CNTN4: variants seen among roughly 807,000 people sequenced by gnomAD.
CNTN4 encodes the protein contactin-4.
In CNTN4, 77 loss-of-function variants were observed where a neutral mutation model predicts 122.5. The ratio of observed to expected loss-of-function variants is 0.63; its 90% CI spans 0.52 to 0.76. CNTN4 has a LOEUF of 0.76. Among genes scored for constraint, CNTN4 ranks in the 30% least tolerant of loss-of-function variants. The pLI is 0.00. For synonymous variants in CNTN4, 512 were observed against 447.0 expected, an observed-to-expected ratio of 1.15 and a Z score of -1.83; for missense variants, 1,256 against 1,259.1, an observed-to-expected ratio of 1.00 and a Z score of 0.04.
At chr3:2,835,119 A>G (rs1559558028) in intron 7 of CNTN4, among the ~76,000 whole-genome samples, 1 of 151,256 alleles carries the variant, frequency 6.6e-6, no homozygotes, top group South Asian at 2.1e-4. Flanking sequence ...GTTAGCCAGG[A>G]TGGTCTCGAT....
At chr3:2,195,525 A>G (rs551413741) in intron 2 of CNTN4, among the ~76,000 whole-genome samples, 24 of 152,384 alleles carry the variant, frequency 1.6e-4, no homozygotes, top group African/African-American at 5.5e-4. Context: ...ATATTTGGAA[A>G]TAACTGCTAT....
intron 4 of CNTN4, among the ~76,000 whole-genome samples, chr3:2,637,903 A>G (rs769485881): frequency 6.6e-6 from 1 of 152,154 alleles, no homozygotes; most frequent in Non-Finnish European, 1.5e-5. Flanking sequence ...CATGGTTTGC[A>G]GTTTTAAAAA....
chr3:2,490,726 A>G (rs2076291777), intron 3 of CNTN4, among the ~76,000 whole-genome samples: 1 of 152,112 alleles, frequency 6.6e-6, no homozygotes, highest in African/African-American at 2.4e-5. Context: ...TATAGGAAAA[A>G]TCTCACCCTG....
intron 13 of CNTN4, among the ~76,000 whole-genome samples, chr3:2,932,800 CTTTATTTATTTA>C (rs71058655): frequency 0.029 from 4,355 of 148,928 alleles, 91 homozygotes; most frequent in African/African-American, 0.056. Context: ...TGCTTACAGT[CTTTATTTATTTA>C]TTTATTTATT....
intron 2 of CNTN4, among the ~76,000 whole-genome samples, chr3:2,166,142 G>T (rs2036183666): frequency 6.6e-6 from 1 of 151,928 alleles, no homozygotes; most frequent in South Asian, 2.1e-4. Flanking sequence ...TTGCATAATG[G>T]TATATTCATT....
intron 2 of CNTN4, among the ~76,000 whole-genome samples, chr3:2,162,030 A>C (rs986655874): frequency 1.3e-5 from 2 of 152,300 alleles, no homozygotes; most frequent in African/African-American, 4.8e-5. Flanking sequence ...TGTCTGTTAA[A>C]ATTGTATCTT....
chr3:3,003,693 A>C (rs1490842738), intron 14 of CNTN4, among the ~76,000 whole-genome samples: 3 of 144,566 alleles, frequency 2.1e-5, no homozygotes, highest in African/African-American at 5.4e-5. Flanking sequence ...CCAAAAAAAA[A>C]AAAAAAAAAA....
At chr3:2,997,778 TG>T (rs1695662075) in intron 14 of CNTN4, among the ~76,000 whole-genome samples, 1 of 152,226 alleles carries the variant, frequency 6.6e-6, no homozygotes, top group South Asian at 2.1e-4. Flanking sequence ...TTCCTGGTTA[TG>T]GGAGAGGAAA....
At chr3:2,926,324 T>TC (rs2094473109) in intron 13 of CNTN4, among the ~76,000 whole-genome samples, 1 of 152,230 alleles carries the variant, frequency 6.6e-6, no homozygotes, top group Non-Finnish European at 1.5e-5. Context: ...AGGTTTTTTT[T>TC]CTAATATCTA....
intron 4 of CNTN4, among the ~76,000 whole-genome samples, chr3:2,685,937 A>G (rs2085409318): frequency 6.6e-6 from 1 of 152,196 alleles, no homozygotes; most frequent in Admixed American, 6.6e-5. Context: ...ACCACAGACT[A>G]AACTGATTTT....
rs2077125102 is a variant in CNTN4, at chr3:2,519,143, C to A, written c.-88-52273C>A. On this transcript the variant is annotated intron_variant, in intron 3 of 24. Coordinates refer to ENST00000418658, the MANE Select transcript of CNTN4 (RefSeq NM_175607.3). ...ATAGGAGTTTTATCTCCTGATGTGA[C>A]AATGAAAAGGGAAGATCGGCTTGCC... Among the ~76,000 whole-genome samples, 2 of 152,126 alleles carry A rather than the reference C, an allele frequency of 1.3e-5. 1 individual carries two copies. Among genetic ancestry groups the A allele is most frequent in the Non-Finnish European group, 2.9e-5 (2 of 68,022 alleles).
chr3:2,832,040 A>G (rs1559554430), intron 7 of CNTN4, among the ~76,000 whole-genome samples: 1 of 152,208 alleles, frequency 6.6e-6, no homozygotes, highest in Non-Finnish European at 1.5e-5. Context: ...ATTAGTACCC[A>G]AATATGAGAA....
chr3:2,376,594 T>A (rs2045824842), intron 3 of CNTN4, among the ~76,000 whole-genome samples: 1 of 152,014 alleles, frequency 6.6e-6, no homozygotes, highest in Non-Finnish European at 1.5e-5. Flanking sequence ...GTTGTCACTG[T>A]TTTTAGGTCT....
chr3:2,550,342 T>A (rs1575954004), intron 3 of CNTN4, among the ~76,000 whole-genome samples: 1 of 152,086 alleles, frequency 6.6e-6, no homozygotes, highest in Non-Finnish European at 1.5e-5. Context: ...AACAAACATA[T>A]GAAAAAAATC....
At position 2,982,985 on chromosome 3, in the gene CNTN4, C is replaced by T. The variant is rs989140752; in HGVS notation, c.1359-5360C>T. ...AATCCCAGCACTTTGGGAGGCGAGG[C>T]GGGCGGATCACGAGGTCAGGAGATC... On this transcript the variant is annotated intron_variant, in intron 13 of 24. Transcript: ENST00000418658. Among the ~76,000 whole-genome samples the T allele has an allele frequency of 1.2e-4, 18 of 151,700 alleles. 1 individual carries two copies. Among genetic ancestry groups the T allele is most frequent in the African/African-American group, 2.9e-4 (12 of 41,338 alleles).
intron 4 of CNTN4, among the ~76,000 whole-genome samples, chr3:2,677,834 T>A (rs1463064167): frequency 6.6e-6 from 1 of 152,100 alleles, no homozygotes; most frequent in Non-Finnish European, 1.5e-5. Context: ...CATCTTATCA[T>A]GCACAAGTCA....
intron 3 of CNTN4, among the ~76,000 whole-genome samples, chr3:2,339,820 T>C (rs984369818): frequency 1.3e-4 from 20 of 152,236 alleles, no homozygotes; most frequent in African/African-American, 4.3e-4. Flanking sequence ...TGGAAACTTA[T>C]TCTCTCACAT....
intron 4 of CNTN4, among the ~76,000 whole-genome samples, chr3:2,715,196 C>A (rs1459641143): frequency 6.6e-6 from 1 of 151,962 alleles, no homozygotes; most frequent in Non-Finnish European, 1.5e-5. Context: ...CTGTATGTTT[C>A]TAAAAACCTT....
chr3:2,835,012 C>A (rs1159395483), intron 7 of CNTN4, among the ~76,000 whole-genome samples: 3 of 145,810 alleles, frequency 2.1e-5, no homozygotes, highest in African/African-American at 7.5e-5. Flanking sequence ...TCACACCATT[C>A]TCCTGCTTCA....
Sources: allele counts gnomAD v4.1 joint callset (sites outside exome capture counted in the v4.1 genomes callset), GRCh38; gene constraint gnomAD v4.1.1; transcripts MANE v1.5; gene names NCBI Gene and HGNC (gene_info 2026-07-23, HGNC 2026-07-21).